Variants in UCHL3 observed in about 807,000 individuals in gnomAD.
The protein encoded by UCHL3 is ubiquitin C-terminal hydrolase L3.
In UCHL3, 22 loss-of-function variants were observed where a neutral mutation model predicts 35.8. The observed-to-expected ratio is 0.61, with a 90% CI of 0.44 to 0.88. UCHL3 has a LOEUF of 0.88. UCHL3 is among the 40% of genes least tolerant of loss of function. The probability of loss-of-function intolerance (pLI) is 0.00; values close to 1 mark genes in which losing one functional copy is unlikely to be tolerated. For missense variants in UCHL3, 229 were observed against 276.9 expected (o/e 0.83, Z 1.23); for synonymous variants, 90 against 92.8 (o/e 0.97, Z 0.17).
intron 7 of UCHL3, among the ~76,000 whole-genome samples, chr13:75,601,317 G>C (rs1323003800): frequency 6.6e-6 from 1 of 152,180 alleles, no homozygotes; most frequent in Non-Finnish European, 1.5e-5. Context: ...TTCTCCTGTG[G>C]GTAAAGTGCT....
At chr13:75,598,853 A>C (rs1201327902) in intron 7 of UCHL3, among the ~76,000 whole-genome samples, 1 of 152,204 alleles carries the variant, frequency 6.6e-6, no homozygotes, top group Non-Finnish European at 1.5e-5. Flanking sequence ...TATCATTATG[A>C]CTATTGCCAA....
chr13:75,568,008 A>G (rs544326098), intron 5 of UCHL3, among the ~76,000 whole-genome samples: 1 of 152,346 alleles, frequency 6.6e-6, no homozygotes, highest in South Asian at 2.1e-4. Context: ...AAAGGTAGAC[A>G]TTAGACCATA....
Position 75,589,841 on chromosome 13 carries a change from C to T in UCHL3, c.475-5074C>T, listed in dbSNP as rs140028437. 4.3e-3 allele frequency: 4,035 copies of T among 942,560 alleles called. 19 individuals are homozygous for T. The highest frequency in any genetic ancestry group is 5.0e-3 in the Non-Finnish European group (3,555 of 710,646). 58.4% of individuals were successfully genotyped at this position (942,560 alleles called of 1,614,324 possible). A position where few individuals can be genotyped will look rare whatever the true frequency, so the allele number is the denominator to read the frequency against. ...ATTATGGTTATTAAAAATAGTAGAC[C>T]ATATGAATTACAAGCATGACCATAC... On this transcript the variant is annotated intron_variant, in intron 6 of 8. Coordinates refer to ENST00000377595, the MANE Select transcript of UCHL3 (RefSeq NM_006002.5).
chr13:75,583,923 T>C (rs1254494012), intron 6 of UCHL3, among the ~76,000 whole-genome samples: 1 of 152,168 alleles, frequency 6.6e-6, no homozygotes, highest in African/African-American at 2.4e-5. Context: ...ATATCCACTC[T>C]CTGCAGACCT....
At chr13:75,598,781 G>A (rs2032706175) in intron 7 of UCHL3, among the ~76,000 whole-genome samples, 1 of 152,142 alleles carries the variant, frequency 6.6e-6, no homozygotes, top group African/African-American at 2.4e-5. Context: ...AGTATGTCAT[G>A]CAGTTGCTCA....
chr13:75,570,428 G>A (rs1478841950), intron 6 of UCHL3, among the ~76,000 whole-genome samples: 1 of 152,076 alleles, frequency 6.6e-6, no homozygotes, highest in Non-Finnish European at 1.5e-5. Context: ...AGTAGAGACG[G>A]GGTTTCCCCG....
At chr13:75,588,438 T>G in intron 6 of UCHL3, among the ~76,000 whole-genome samples, 1 of 152,164 alleles carries the variant, frequency 6.6e-6, no homozygotes, top group East Asian at 1.9e-4. Context: ...ATAACCAGAT[T>G]GAATGTGACA....
At chr13:75,552,723 G>A (rs939785040) in intron 2 of UCHL3, among the ~76,000 whole-genome samples, 5 of 152,134 alleles carry the variant, frequency 3.3e-5, no homozygotes, top group Non-Finnish European at 5.9e-5. Context: ...TGCATTTAAA[G>A]GGGTAAATGC....
chr13:75,554,699 TATC>T (rs1195883101), intron 2 of UCHL3, among the ~76,000 whole-genome samples: 1 of 152,222 alleles, frequency 6.6e-6, no homozygotes, highest in Non-Finnish European at 1.5e-5. Context: ...ACTTCCTGCT[TATC>T]ATACTCTACT....
At chr13:75,601,363 A>G (rs758088452) in intron 7 of UCHL3, among the ~76,000 whole-genome samples, 4 of 152,244 alleles carry the variant, frequency 2.6e-5, no homozygotes, top group Non-Finnish European at 4.4e-5. Flanking sequence ...GAAATCTTTC[A>G]TAAAAGAAAG....
intron 6 of UCHL3, among the ~76,000 whole-genome samples, chr13:75,590,930 G>A (rs2032463233): frequency 6.6e-6 from 1 of 152,146 alleles, no homozygotes; most frequent in Non-Finnish European, 1.5e-5. Flanking sequence ...ACAGAATTAA[G>A]CAACTACAGC....
At chr13:75,589,986 A>G (rs1406374121) in intron 6 of UCHL3, 1 of 1,304,762 alleles carries the variant, frequency 7.7e-7, no homozygotes, top group Non-Finnish European at 1.0e-6. Flanking sequence ...CTGCAGAACG[A>G]AGGCCTCATC....
chr13:75,558,267 C>T (rs1404665727), intron 2 of UCHL3, among the ~76,000 whole-genome samples: 1 of 152,188 alleles, frequency 6.6e-6, no homozygotes, highest in African/African-American at 2.4e-5. Context: ...ATTATGTCCT[C>T]AGTTTGATAC....
chr13:75,600,943 A>G (rs1317830095), intron 7 of UCHL3, among the ~76,000 whole-genome samples: 1 of 152,222 alleles, frequency 6.6e-6, no homozygotes, highest in Non-Finnish European at 1.5e-5. Context: ...TCAAAGTATC[A>G]ACATTAACAT....
intron 7 of UCHL3, among the ~76,000 whole-genome samples, chr13:75,595,901 C>T (rs1173162195): frequency 1.3e-5 from 2 of 151,610 alleles, no homozygotes; most frequent in Admixed American, 6.6e-5. Context: ...AATTGGTATA[C>T]AATACTTATT....
intron 7 of UCHL3, among the ~76,000 whole-genome samples, chr13:75,597,868 T>C (rs1044156010): frequency 1.3e-5 from 2 of 152,210 alleles, no homozygotes; most frequent in African/African-American, 4.8e-5. Context: ...CCTACTCTAA[T>C]AAATTGTAAG....
At chr13:75,561,941 G>C (rs909563875) in intron 3 of UCHL3, among the ~76,000 whole-genome samples, 3 of 151,940 alleles carry the variant, frequency 2.0e-5, no homozygotes, top group African/African-American at 7.2e-5. Flanking sequence ...ACTTTTAAGT[G>C]CATTTTATAA....
chr13:75,554,153 C>T (rs1205414527), intron 2 of UCHL3, among the ~76,000 whole-genome samples: 1 of 152,106 alleles, frequency 6.6e-6, no homozygotes, highest in African/African-American at 2.4e-5. Context: ...CCTTGGAATT[C>T]CTGGGCTCAA....
At chr13:75,571,255 G>C (rs2031848686) in intron 6 of UCHL3, among the ~76,000 whole-genome samples, 1 of 152,018 alleles carries the variant, frequency 6.6e-6, no homozygotes, top group Non-Finnish European at 1.5e-5. Flanking sequence ...ATTTATTTTT[G>C]CCATACTTCT....
Sources: allele counts gnomAD v4.1 joint callset (sites outside exome capture counted in the v4.1 genomes callset), GRCh38; gene constraint gnomAD v4.1.1; transcripts MANE v1.5; gene names NCBI Gene and HGNC (gene_info 2026-07-23, HGNC 2026-07-21).